The following SYT1 variants were observed in gnomAD, a reference collection of about 807,000 sequenced individuals.
SYT1 encodes the protein synaptotagmin-1.
A neutral mutation model predicts 44.8 loss-of-function variants in SYT1; 8 were observed. The observed-to-expected ratio is 0.18, with a 90% CI of 0.10 to 0.32. The LOEUF (loss-of-function observed/expected upper bound fraction) is 0.32, where lower values mean the gene tolerates loss of function less well. Among genes scored for constraint, SYT1 ranks in the 10% least tolerant of loss-of-function variants. SYT1 has a pLI of 1.00. For missense variants in SYT1, 286 were observed against 509.3 expected (o/e 0.56, Z 4.22); for synonymous variants, 154 against 188.8 (o/e 0.82, Z 1.51).
chr12:79,195,815 CTTTTCCTG>C, intron 3 of SYT1, among the ~76,000 whole-genome samples: 1 of 152,252 alleles, frequency 6.6e-6, no homozygotes, highest in Non-Finnish European at 1.5e-5. Context: ...AAATTACCTG[CTTTTCCTG>C]TTTTTATAAA....
At chr12:79,309,777 T>A (rs1880673759) in intron 8 of SYT1, among the ~76,000 whole-genome samples, 1 of 152,236 alleles carries the variant, frequency 6.6e-6, no homozygotes, top group Admixed American at 6.5e-5. Flanking sequence ...TGGGTACATT[T>A]TACCTAAGGT....
chr12:79,199,728 T>A (rs1268134523), intron 3 of SYT1, among the ~76,000 whole-genome samples: 1 of 152,114 alleles, frequency 6.6e-6, no homozygotes, highest in Non-Finnish European at 1.5e-5. Context: ...TTTATATCAA[T>A]ATAAATACGT....
intron 4 of SYT1, among the ~76,000 whole-genome samples, chr12:79,265,884 A>G (rs897555933): frequency 1.3e-5 from 2 of 152,212 alleles, no homozygotes; most frequent in African/African-American, 4.8e-5. Context: ...TTTCAAGAGG[A>G]TCTGCTATGC....
intron 3 of SYT1, among the ~76,000 whole-genome samples, chr12:79,057,197 G>A (rs1306584655): frequency 1.3e-5 from 2 of 151,922 alleles, no homozygotes; most frequent in Admixed American, 1.3e-4. Flanking sequence ...ATCTGGTTCA[G>A]CATATGCTCC....
At chr12:79,199,169 G>A (rs892685799) in intron 3 of SYT1, among the ~76,000 whole-genome samples, 3 of 151,952 alleles carry the variant, frequency 2.0e-5, no homozygotes, top group African/African-American at 7.3e-5. Flanking sequence ...TACCTCTTTG[G>A]AAGGCTGTTT....
At position 79,448,239 on chromosome 12, in the gene SYT1, A is replaced by C. The variant is rs189859942; in HGVS notation, c.1063-679A>C. Among the ~76,000 whole-genome samples the C allele has an allele frequency of 4.5e-4, 68 of 152,320 alleles. 1 individual carries two copies. The highest frequency in any genetic ancestry group is 3.4e-3 in the Middle Eastern group (1 of 294). The stretch of plus-strand genomic sequence containing the variant: ...GATATTTCCATTTGATATCAATGCC[A>C]GATACATTGTAGTTACTCAGTAAAT... On this transcript the variant is annotated intron_variant, in intron 10 of 10. Coordinates refer to ENST00000261205, the MANE Select transcript of SYT1 (RefSeq NM_005639.3).
intron 1 of SYT1, among the ~76,000 whole-genome samples, chr12:78,872,567 A>G (rs906901925): frequency 1.3e-5 from 2 of 151,762 alleles, no homozygotes; most frequent in Non-Finnish European, 2.9e-5. Flanking sequence ...TCCTTTCTGT[A>G]CATTTTATTC....
intron 2 of SYT1, among the ~76,000 whole-genome samples, chr12:79,004,212 A>G (rs375794346): frequency 9.2e-5 from 14 of 152,108 alleles, no homozygotes; most frequent in East Asian, 7.7e-4. Flanking sequence ...AAGGTAATGT[A>G]CTTGGGCATT....
At chr12:79,092,647 T>G (rs184183506) in intron 3 of SYT1, among the ~76,000 whole-genome samples, 1 of 151,938 alleles carries the variant, frequency 6.6e-6, no homozygotes, top group East Asian at 1.9e-4. Context: ...AGTAGTTTTT[T>G]GAGTTCAGTT....
Position 79,285,841 on chromosome 12 carries a change from C to T in SYT1, c.221C>T (p.Thr74Ile). 6.2e-7 allele frequency: 1 copy of T among 1,613,610 alleles called. No individual in the cohort carries two copies. Among genetic ancestry groups the T allele is most frequent in the Non-Finnish European group, 8.5e-7 (1 of 1,179,896 alleles). ...IAIVAVLLVL[T>I]CCFCICKKCL... ...ATAGTCGCAGTCCTTTTAGTCCTGA[C>T]CTGCTGCTTTTGTATCTGTAAGAAA... The change falls in exon 5 of 11, where the codon ACC becomes ATC. Residue 74 changes from threonine to isoleucine, a missense_variant. By Grantham distance (89) the Thr-to-Ile change is moderately conservative. This residue lies in a region of SYT1 where 141 missense variants were observed against 165.7 expected (regional missense o/e 0.85). Transcript: ENST00000261205.
intron 1 of SYT1, among the ~76,000 whole-genome samples, chr12:78,932,046 C>T (rs1877787834): frequency 6.6e-6 from 1 of 152,222 alleles, no homozygotes; most frequent in African/African-American, 2.4e-5. Flanking sequence ...TGGACAGCCA[C>T]TTTCCTCTGC....
At chr12:79,307,192 T>G (rs1880437614) in intron 8 of SYT1, among the ~76,000 whole-genome samples, 2 of 152,306 alleles carry the variant, frequency 1.3e-5, no homozygotes, top group South Asian at 4.2e-4. Flanking sequence ...AGTGATTGAC[T>G]TGTACTAGTT....
chr12:79,069,720 G>T (rs1313240853), intron 3 of SYT1, among the ~76,000 whole-genome samples: 2 of 152,096 alleles, frequency 1.3e-5, no homozygotes, highest in Non-Finnish European at 2.9e-5. Context: ...GATATAGTCA[G>T]ATGTTAAAAT....
intron 9 of SYT1, among the ~76,000 whole-genome samples, chr12:79,380,842 A>G (rs1485914625): frequency 6.6e-6 from 1 of 152,144 alleles, no homozygotes; most frequent in East Asian, 1.9e-4. Flanking sequence ...CCTTCCTGGA[A>G]GCCCTAGGAG....
chr12:79,398,180 C>G (rs1211167086), intron 9 of SYT1, among the ~76,000 whole-genome samples: 4 of 152,146 alleles, frequency 2.6e-5, no homozygotes, highest in Non-Finnish European at 5.9e-5. Flanking sequence ...TAGGAGGGCT[C>G]TTGCTGTAAC....
At chr12:79,216,779 T>C (rs1874833346) in intron 3 of SYT1, among the ~76,000 whole-genome samples, 1 of 152,284 alleles carries the variant, frequency 6.6e-6, no homozygotes, top group Admixed American at 6.5e-5. Flanking sequence ...AAGTAAAATA[T>C]CTAAACTTAT....
intron 3 of SYT1, among the ~76,000 whole-genome samples, chr12:79,140,056 C>A (rs1243342674): frequency 6.6e-6 from 1 of 152,180 alleles, no homozygotes. Context: ...TATGGCCTCC[C>A]CTTTGCCCCT....
chr12:78,942,988 C>A (rs1046311714), intron 1 of SYT1, among the ~76,000 whole-genome samples: 1 of 152,150 alleles, frequency 6.6e-6, no homozygotes, highest in Non-Finnish European at 1.5e-5. Context: ...CCAGGGCTTT[C>A]CTATGTTTAT....
At chr12:78,941,007 C>A (rs940565437) in intron 1 of SYT1, among the ~76,000 whole-genome samples, 1 of 150,490 alleles carries the variant, frequency 6.6e-6, no homozygotes, top group Non-Finnish European at 1.5e-5. Context: ...AGATACATGT[C>A]CTTTAGAGCA....
Sources: allele counts gnomAD v4.1 joint callset (sites outside exome capture counted in the v4.1 genomes callset), GRCh38; gene constraint gnomAD v4.1.1; regional missense constraint gnomAD v4.1.1; transcripts MANE v1.5; gene names NCBI Gene and HGNC (gene_info 2026-07-23, HGNC 2026-07-21).